Variants in BAZ1A observed in about 807,000 individuals in gnomAD.
BAZ1A encodes bromodomain adjacent to zinc finger domain protein 1A.
A neutral mutation model predicts 185.2 loss-of-function variants in BAZ1A; 50 were observed. The observed-to-expected ratio is 0.27, with a 90% CI of 0.22 to 0.34. The LOEUF is 0.34. Ranked by LOEUF, BAZ1A falls within the 10% of genes least tolerant of loss-of-function variation. The pLI, the probability that BAZ1A is intolerant of heterozygous loss-of-function variation, is 1.00. For synonymous variants in BAZ1A, 571 were observed against 615.6 expected, an observed-to-expected ratio of 0.93 and a Z score of 1.07; for missense variants, 1,356 against 1,839.9, an observed-to-expected ratio of 0.74 and a Z score of 4.81.
intron 12 of BAZ1A, among the ~76,000 whole-genome samples, chr14:34,788,757 C>T (rs868398548): frequency 1.6e-4 from 24 of 152,170 alleles, no homozygotes; most frequent in Admixed American, 1.3e-3. Flanking sequence ...ATCTTTCCAA[C>T]TCTCCTGCAG....
chr14:34,782,891 A>G (rs10162419), intron 16 of BAZ1A, among the ~76,000 whole-genome samples: 59,119 of 152,012 alleles, frequency 0.39, 11,872 homozygotes, highest in Admixed American at 0.46. Context: ...TCTATACAGC[A>G]CAGAATAACT....
At chr14:34,760,247 A>C (rs1886463782) in intron 24 of BAZ1A, among the ~76,000 whole-genome samples, 1 of 152,136 alleles carries the variant, frequency 6.6e-6, no homozygotes, top group Non-Finnish European at 1.5e-5. Context: ...AAAATGTTTC[A>C]AGTGTATTAT....
intron 21 of BAZ1A, chr14:34,768,900 T>A: frequency 4.5e-6 from 1 of 222,364 alleles, no homozygotes; most frequent in Non-Finnish European, 9.0e-6. Flanking sequence ...TCATGTATCT[T>A]ACCTAAAACA....
At chr14:34,856,887 A>G (rs993360251) in intron 3 of BAZ1A, among the ~76,000 whole-genome samples, 3 of 149,384 alleles carry the variant, frequency 2.0e-5, no homozygotes, top group African/African-American at 7.3e-5. Context: ...AAAGTCACTT[A>G]TGAGTAACAC....
intron 12 of BAZ1A, among the ~76,000 whole-genome samples, chr14:34,790,502 C>A (rs1364327731): frequency 6.6e-6 from 1 of 151,848 alleles, no homozygotes; most frequent in East Asian, 1.9e-4. Flanking sequence ...TACAGGCATG[C>A]GCCACCATGC....
chr14:34,869,677 T>C (rs1258387558), intron 2 of BAZ1A, among the ~76,000 whole-genome samples: 3 of 152,172 alleles, frequency 2.0e-5, no homozygotes, highest in Non-Finnish European at 1.5e-5. Context: ...TATAAAATTG[T>C]AGCAACTGCT....
intron 4 of BAZ1A, among the ~76,000 whole-genome samples, chr14:34,825,447 CAAAAAAAA>C (rs35449855): frequency 1.6e-3 from 90 of 55,414 alleles, no homozygotes; most frequent in African/African-American, 5.4e-3. Context: ...AACTCTGTCT[CAAAAAAAA>C]AAAAAAAAAA....
intron 18 of BAZ1A, 115 bp downstream of exon 18, chr14:34,775,804 C>G: frequency 1.3e-6 from 1 of 772,898 alleles, no homozygotes; most frequent in Admixed American, 2.6e-5. Flanking sequence ...CAGCCTAAAT[C>G]AAAGATAAGG....
At chr14:34,768,716 T>C in intron 21 of BAZ1A, 1 of 426,528 alleles carries the variant, frequency 2.3e-6, no homozygotes, top group Admixed American at 2.8e-5. Flanking sequence ...TAGATCTTCC[T>C]CTCTCTTTTT....
At chr14:34,827,808 G>A (rs1410418828) in intron 3 of BAZ1A, among the ~76,000 whole-genome samples, 2 of 149,878 alleles carry the variant, frequency 1.3e-5, no homozygotes, top group Non-Finnish European at 3.0e-5. Flanking sequence ...TATAATTTTT[G>A]AAAGCATCCA....
At chr14:34,782,528 T>C (rs1880105768) in intron 16 of BAZ1A, among the ~76,000 whole-genome samples, 1 of 152,190 alleles carries the variant, frequency 6.6e-6, no homozygotes, top group Non-Finnish European at 1.5e-5. Flanking sequence ...TCTTTCATAT[T>C]CTGGATACAA....
At chr14:34,871,685 C>A (rs1364403852) in intron 2 of BAZ1A, among the ~76,000 whole-genome samples, 3 of 152,170 alleles carry the variant, frequency 2.0e-5, no homozygotes, top group African/African-American at 7.2e-5. Context: ...CCATTCTGGC[C>A]AACATGATGA....
At chr14:34,851,089 C>T (rs1479706067) in intron 3 of BAZ1A, among the ~76,000 whole-genome samples, 2 of 151,896 alleles carry the variant, frequency 1.3e-5, no homozygotes, top group Non-Finnish European at 2.9e-5. Flanking sequence ...TCCCAGCACC[C>T]TGAGAGACCG....
chr14:34,834,556 C>T (rs1487908937), intron 3 of BAZ1A, among the ~76,000 whole-genome samples: 1 of 152,076 alleles, frequency 6.6e-6, no homozygotes, highest in Admixed American at 6.6e-5. Flanking sequence ...GGGACATTGC[C>T]CAGAAGTAAA....
At chr14:34,856,825 T>C (rs1446461170) in intron 3 of BAZ1A, among the ~76,000 whole-genome samples, 1 of 135,286 alleles carries the variant, frequency 7.4e-6, no homozygotes, top group Admixed American at 8.2e-5. Flanking sequence ...GTCACTGCAC[T>C]CTAGCCTGGG....
chr14:34,856,189 T>C (rs886185353), intron 3 of BAZ1A, among the ~76,000 whole-genome samples: 1 of 152,152 alleles, frequency 6.6e-6, no homozygotes, highest in South Asian at 2.1e-4. Flanking sequence ...CTAGCCTCAA[T>C]GCCACACTGA....
chr14:34,829,058 G>C (rs1275731399), intron 3 of BAZ1A, among the ~76,000 whole-genome samples: 1 of 152,128 alleles, frequency 6.6e-6, no homozygotes, highest in Non-Finnish European at 1.5e-5. Flanking sequence ...TTGAGGCCAG[G>C]AGTTCAAGAC....
chr14:34,766,315 A>G (rs1016474494), intron 21 of BAZ1A, among the ~76,000 whole-genome samples: 4 of 152,224 alleles, frequency 2.6e-5, no homozygotes, highest in Non-Finnish European at 5.9e-5. Flanking sequence ...ATAAGAAACT[A>G]GTCTATTCTA....
chr14:34,781,537 T>G (rs1880042347), intron 16 of BAZ1A, among the ~76,000 whole-genome samples: 1 of 152,142 alleles, frequency 6.6e-6, no homozygotes, highest in African/African-American at 2.4e-5. Context: ...CTTTTTTTTT[T>G]TTTTTGAGAC....
Sources: gnomAD v4.1 joint callset for allele counts (sites outside exome capture counted in the v4.1 genomes callset) on GRCh38, gnomAD v4.1.1 for gene constraint, MANE v1.5 for transcripts, NCBI Gene and HGNC (gene_info 2026-07-23, HGNC 2026-07-21) for gene names.